ANKS1B: variants seen among roughly 807,000 people sequenced by gnomAD.
The protein encoded by ANKS1B is ankyrin repeat and sterile alpha motif domain containing 1B, also known as ankyrin repeat and sterile alpha motif domain-containing protein 1B.
Under a neutral mutation model 148.3 loss-of-function variants are expected in ANKS1B, and 36 were observed. The ratio of observed to expected loss-of-function variants is 0.24; its 90% CI spans 0.19 to 0.32. ANKS1B has a LOEUF of 0.32. ANKS1B is among the 10% of genes least tolerant of loss of function. ANKS1B has a pLI of 1.00. For synonymous variants in ANKS1B, 542 were observed against 560.8 expected, an observed-to-expected ratio of 0.97 and a Z score of 0.47; for missense variants, 1,157 against 1,542.6, an observed-to-expected ratio of 0.75 and a Z score of 4.19.
intron 12 of ANKS1B, among the ~76,000 whole-genome samples, chr12:99,285,985 A>G (rs562859187): frequency 2.0e-5 from 3 of 152,122 alleles, no homozygotes; most frequent in South Asian, 4.1e-4. Flanking sequence ...AGGCCACAAG[A>G]ATTGCAATTT....
chr12:99,533,897 C>G (rs2097031066), intron 9 of ANKS1B, among the ~76,000 whole-genome samples: 1 of 151,976 alleles, frequency 6.6e-6, no homozygotes, highest in South Asian at 2.1e-4. Context: ...AAATAAATAA[C>G]ATAAATGACC....
intron 17 of ANKS1B, among the ~76,000 whole-genome samples, chr12:98,861,981 C>T (rs1273029789): frequency 2.0e-5 from 3 of 152,100 alleles, no homozygotes; most frequent in African/African-American, 7.2e-5. Context: ...TTCCTGTTTC[C>T]ATATGTTTAA....
chr12:99,790,528 C>G (rs2065517010), intron 4 of ANKS1B, among the ~76,000 whole-genome samples: 1 of 151,816 alleles, frequency 6.6e-6, no homozygotes, highest in South Asian at 2.1e-4. Flanking sequence ...AACAATGAAC[C>G]AAAAAATAAT....
intron 9 of ANKS1B, among the ~76,000 whole-genome samples, chr12:99,630,753 T>C (rs887476842): frequency 6.6e-6 from 1 of 152,214 alleles, no homozygotes; most frequent in Non-Finnish European, 1.5e-5. Context: ...CAAGACTCAC[T>C]GTGTGATGCC....
intron 12 of ANKS1B, among the ~76,000 whole-genome samples, chr12:99,370,169 T>C (rs955838872): frequency 6.6e-6 from 1 of 152,128 alleles, no homozygotes; most frequent in Non-Finnish European, 1.5e-5. Context: ...AGGGTTGCAC[T>C]AGATCCACCT....
intron 19 of ANKS1B, among the ~76,000 whole-genome samples, chr12:98,826,596 C>T (rs2099250706): frequency 6.6e-6 from 1 of 152,068 alleles, no homozygotes; most frequent in Admixed American, 6.6e-5. Flanking sequence ...TTTCTAAGAA[C>T]ATAAATCTGT....
At position 98,776,683 on chromosome 12, in the gene ANKS1B, G is replaced by A. The variant is rs570275574; in HGVS notation, c.3442-3504C>T. On this transcript the variant is annotated intron_variant, in intron 24 of 26. Coordinates refer to ENST00000683438, the MANE Select transcript of ANKS1B (RefSeq NM_001352186.2). ...CCTCTCGCCACTGCATTCAATCTGA[G>A]CCCCGACAGGTGGGACCTTTCTCTT... 6.6e-5 allele frequency among the ~76,000 whole-genome samples: 10 copies of A among 152,300 alleles called. No individual in the cohort carries two copies. The South Asian group carries it at 1.9e-3, about 28-fold the overall frequency.
intron 16 of ANKS1B, among the ~76,000 whole-genome samples, chr12:99,083,568 T>A (rs1223707359): frequency 6.6e-6 from 1 of 152,198 alleles, no homozygotes; most frequent in East Asian, 1.9e-4. Flanking sequence ...ATTGTTTTAA[T>A]CACCTTGAAT....
At chr12:98,947,751 C>T (rs765763498) in intron 17 of ANKS1B, among the ~76,000 whole-genome samples, 2 of 152,178 alleles carry the variant, frequency 1.3e-5, no homozygotes, top group African/African-American at 2.4e-5. Flanking sequence ...CCGTTCTGTC[C>T]TCTGCAGCAA....
intron 17 of ANKS1B, among the ~76,000 whole-genome samples, chr12:98,888,341 T>C (rs1172464620): frequency 6.6e-6 from 1 of 152,222 alleles, no homozygotes; most frequent in African/African-American, 2.4e-5. Context: ...CCCTTTTTCT[T>C]CTTCCAGCCA....
chr12:98,890,579 T>C (rs1209158259), intron 17 of ANKS1B, among the ~76,000 whole-genome samples: 1 of 152,180 alleles, frequency 6.6e-6, no homozygotes. Flanking sequence ...CATAGGGAAA[T>C]GAGACTTTTA....
At position 98,744,077 on chromosome 12, in the gene ANKS1B, T is replaced by C; in HGVS notation, c.*1662A>G. ...CTGGAAGCCCAAGCTTATTTACACATATGCTTCTGTTTCAGCAAAGCTCCT... is the reference window on the plus strand; with the variant it reads ...CTGGAAGCCCAAGCTTATTTACACACATGCTTCTGTTTCAGCAAAGCTCCT... On this transcript the variant is annotated 3_prime_UTR_variant, in exon 27 of 27. Transcript: ENST00000683438. 1.0e-6 allele frequency: 1 copy of C among 984,222 alleles called. No individual in the cohort carries two copies. The highest frequency in any genetic ancestry group is 1.2e-6 in the Non-Finnish European group (1 of 828,580). The allele number at this position is 984,222 out of a possible 1,614,324, so 61.0% of individuals were successfully genotyped here.
intron 22 of ANKS1B, among the ~76,000 whole-genome samples, chr12:98,797,956 GT>G (rs753943327): frequency 5.9e-5 from 9 of 152,116 alleles, no homozygotes; most frequent in Non-Finnish European, 1.0e-4. Context: ...AATTTGTGCA[GT>G]TACTCAGATA....
chr12:99,391,234 A>C (rs878909117), intron 12 of ANKS1B, among the ~76,000 whole-genome samples: 2 of 152,330 alleles, frequency 1.3e-5, no homozygotes, highest in Admixed American at 1.3e-4. Flanking sequence ...CGGACAGTAA[A>C]ATGCAAATCA....
intron 9 of ANKS1B, among the ~76,000 whole-genome samples, chr12:99,522,696 G>A (rs907067607): frequency 6.6e-6 from 1 of 152,164 alleles, no homozygotes; most frequent in Non-Finnish European, 1.5e-5. Context: ...AATATTAGGA[G>A]TTACAGCTGA....
chr12:99,787,628 T>C (rs1438559017), intron 4 of ANKS1B, among the ~76,000 whole-genome samples: 2 of 152,220 alleles, frequency 1.3e-5, no homozygotes, highest in African/African-American at 4.8e-5. Flanking sequence ...AACAACTATC[T>C]GCACACAGAA....
chr12:99,025,109 T>C (rs373899845), intron 17 of ANKS1B, among the ~76,000 whole-genome samples: 2 of 152,140 alleles, frequency 1.3e-5, no homozygotes, highest in East Asian at 3.8e-4. Context: ...ATAAACTTTG[T>C]TTTCTTGTGG....
chr12:99,075,766 T>C (rs979579971), intron 16 of ANKS1B, among the ~76,000 whole-genome samples: 3 of 149,050 alleles, frequency 2.0e-5, no homozygotes, highest in Non-Finnish European at 4.5e-5. Flanking sequence ...TATAACATTA[T>C]ATCTATTATT....
At chr12:99,309,454 TG>T (rs1202468565) in intron 12 of ANKS1B, among the ~76,000 whole-genome samples, 1 of 152,034 alleles carries the variant, frequency 6.6e-6, no homozygotes, top group East Asian at 1.9e-4. Flanking sequence ...CTATAAAATC[TG>T]ATATTATCAG....
Sources: gnomAD v4.1 joint callset for allele counts (sites outside exome capture counted in the v4.1 genomes callset) on GRCh38, gnomAD v4.1.1 for gene constraint, MANE v1.5 for transcripts, NCBI Gene and HGNC (gene_info 2026-07-23, HGNC 2026-07-21) for gene names.